HDAC5: variants seen among roughly 807,000 people sequenced by gnomAD.
The protein encoded by HDAC5 is histone deacetylase 5.
Under a neutral mutation model 133.3 loss-of-function variants are expected in HDAC5, and 25 were observed. The ratio of observed to expected loss-of-function variants is 0.19; its 90% CI spans 0.14 to 0.26. The LOEUF (loss-of-function observed/expected upper bound fraction) is 0.26, where lower values mean the gene tolerates loss of function less well. Among genes scored for constraint, HDAC5 ranks in the 10% least tolerant of loss-of-function variants. HDAC5 has a pLI of 1.00. For missense variants in HDAC5, 1,041 were observed against 1,460.5 expected (o/e 0.71, Z 4.68); for synonymous variants, 589 against 610.8 (o/e 0.96, Z 0.53).
At chr17:44,084,110 G>A (rs1294051975) in intron 16 of HDAC5, among the ~76,000 whole-genome samples, 1 of 151,056 alleles carries the variant, frequency 6.6e-6, no homozygotes, top group Non-Finnish European at 1.5e-5. Flanking sequence ...GGCCAACAGA[G>A]CAAGACTGTC....
In HDAC5 at chr17:44,117,421, G is replaced by A. The variant is rs2052715238; in HGVS notation, c.22+73C>T. 1.3e-6 allele frequency: 2 copies of A among 1,513,864 alleles called. No homozygotes were observed. Among genetic ancestry groups the A allele is most frequent in the Admixed American group, 1.7e-5 (1 of 59,868 alleles). 93.8% of individuals were successfully genotyped at this position (1,513,864 alleles called of 1,614,324 possible). A position where few individuals can be genotyped will look rare whatever the true frequency, so the allele number is the denominator to read the frequency against. On this transcript the variant is annotated intron_variant, in intron 2 of 26. Transcript: ENST00000682912. This position sits in a 1 kb window ranked among gnomAD's most constrained non-coding sequence, Gnocchi z 4.2. ...CAGACAGTAAAGGTCAGCTGGCCTG[G>A]AAGGGAAACCCACACAGCCCATTGC... is the stretch of plus-strand genomic sequence containing the variant.
At chr17:44,101,729 A>C (rs2051621515) in intron 3 of HDAC5, among the ~76,000 whole-genome samples, 1 of 152,168 alleles carries the variant, frequency 6.6e-6, no homozygotes, top group East Asian at 1.9e-4. Flanking sequence ...CAAAACAGAG[A>C]TCTGAACGCA....
chr17:44,086,726 A>T lies in HDAC5; in HGVS notation c.1896T>A (p.Asp632Glu). 1 of 1,296,152 alleles carries T rather than the reference A, an allele frequency of 7.7e-7. No homozygotes were observed. The highest frequency in any genetic ancestry group is 9.8e-7 in the Non-Finnish European group (1 of 1,015,436). The allele number at this position is 1,296,152 out of a possible 1,614,324, so 80.3% of individuals were successfully genotyped here. The part of the protein sequence containing the change: ...PGAGYKKLFS[D>E]AQPLQPLQVY... ...CCTGCAAAGGCTGCAGCGGCTGGGC[A>T]TCTGAGAACAGCTGGAGGGGAGAAT... The change falls in exon 14 of 27, where the codon GAT becomes GAA. Residue 632 changes from aspartate (D) to glutamate (E), a missense_variant. Transcript: ENST00000682912.
chr17:44,101,893 G>A (rs1431391791), intron 3 of HDAC5, among the ~76,000 whole-genome samples: 1 of 152,100 alleles, frequency 6.6e-6, no homozygotes, highest in Non-Finnish European at 1.5e-5. Context: ...TAGGGGGAGG[G>A]GGGCAGGGAA....
In HDAC5 at chr17:44,117,384, T is replaced by C; in HGVS notation, c.22+110A>G. The C allele has an allele frequency of 8.3e-7, 1 of 1,201,096 alleles. No homozygotes were observed. Among genetic ancestry groups the C allele is most frequent in the Middle Eastern group, 1.9e-4 (1 of 5,272 alleles). 74.4% of individuals were successfully genotyped at this position (1,201,096 alleles called of 1,614,324 possible). On this transcript the variant is annotated intron_variant, in intron 2 of 26. Coordinates refer to ENST00000682912, the MANE Select transcript of HDAC5 (RefSeq NM_005474.5). The surrounding 1 kb of genome is among the most constrained non-coding windows in gnomAD (Gnocchi z 4.2). ...ACTTCTCCACTCCTTACCCCCTCATTCCCTTATAGCTCAGACAGTAAAGGT... is the reference window on the plus strand; with the variant it reads ...ACTTCTCCACTCCTTACCCCCTCATCCCCTTATAGCTCAGACAGTAAAGGT...
intron 2 of HDAC5, among the ~76,000 whole-genome samples, chr17:44,112,476 C>T (rs1200067278): frequency 6.6e-6 from 1 of 152,126 alleles, no homozygotes; most frequent in Admixed American, 6.5e-5. Flanking sequence ...ATCCCCCTCC[C>T]CCTTCCTGAT....
intron 16 of HDAC5, among the ~76,000 whole-genome samples, chr17:44,084,202 A>ACAGG (rs2050537718): frequency 6.6e-6 from 1 of 151,748 alleles, no homozygotes; most frequent in African/African-American, 2.4e-5. Context: ...CAAGTACAAG[A>ACAGG]CAGGCCTCTG....
Position 44,078,569 on chromosome 17 carries a change from C to T in HDAC5, c.3260G>A (p.Ser1087Asn), listed in dbSNP as rs759878178. 48 of 1,611,306 alleles carry T rather than the reference C, an allele frequency of 3.0e-5. 1 individual carries two copies. In the South Asian group the frequency reaches 4.8e-4, roughly 16 times the overall value. ...AGETEEAETV[S>N]AMALLSVGAE... ...CCCCACCGACAGCAAGGCCATGGCG[C>T]TCACAGTCTCGGCCTCCTCGGTCTC... Residue 1087 changes from serine (S) to asparagine (N), a missense_variant, in exon 26 of 27, where the codon AGC (serine) becomes AAC (asparagine). Physicochemically the swap from Ser to Asn is conservative, Grantham distance 46. This residue lies in a region of HDAC5 where 95 missense variants were observed against 107.3 expected (regional missense o/e 0.88). Coordinates refer to ENST00000682912, the MANE Select transcript of HDAC5 (RefSeq NM_005474.5).
At chr17:44,091,518 A>G (rs1415855481) in intron 10 of HDAC5, 26 bp from the exon 11 acceptor site, 2 of 1,540,514 alleles carry the variant, frequency 1.3e-6, no homozygotes, top group East Asian at 2.3e-5. Context: ...AGGGGCTTAT[A>G]CAGCCTCAGT....
At position 44,084,565 on chromosome 17, in the gene HDAC5, C is replaced by A; in HGVS notation, c.2295G>T (p.Lys765Asn). 6.2e-7 allele frequency: 1 copy of A among 1,614,110 alleles called. No homozygotes were observed. The highest frequency in any genetic ancestry group is 1.1e-5 in the South Asian group (1 of 91,086). ...CATGTGCCAGCTCACCGAGCAACTT[C>A]TTGCTGTCTAGCTTCTGCCGGTTGA... The part of the protein sequence containing the change: ...SPLNRQKLDS[K>N]KLLGPISQKM... The change falls in exon 16 of 27, where the codon AAG (lysine) becomes AAT (asparagine). Residue 765 changes from lysine (K) to asparagine (N), a missense_variant. Lys to Asn is a moderately conservative substitution (Grantham distance 94). Coordinates refer to ENST00000682912, the MANE Select transcript of HDAC5 (RefSeq NM_005474.5).
At chr17:44,078,996 T>C (rs768344893) in intron 24 of HDAC5, 117 bp from the exon 25 acceptor site, 3 of 1,515,566 alleles carry the variant, frequency 2.0e-6, no homozygotes, top group South Asian at 1.1e-5. Flanking sequence ...ATGGCCTTTT[T>C]GGACAAACGC....
chr17:44,092,018 A>G (rs1223426370), intron 9 of HDAC5, among the ~76,000 whole-genome samples, 154 bp downstream of exon 9: 2 of 152,180 alleles, frequency 1.3e-5, no homozygotes, highest in African/African-American at 2.4e-5. Context: ...CTTCAATGCA[A>G]TTAAGTCCAA....
At chr17:44,085,430 C>G in intron 14 of HDAC5, 2 of 286,190 alleles carry the variant, frequency 7.0e-6, no homozygotes, top group Non-Finnish European at 1.3e-5. Context: ...ACCACTGCCC[C>G]CACCACCCTG....
intron 11 of HDAC5, 88 bp downstream of exon 11, chr17:44,091,181 TA>T: frequency 1.0e-6 from 1 of 966,398 alleles, no homozygotes; most frequent in Non-Finnish European, 1.6e-6. Flanking sequence ...TTGATTCTGC[TA>T]AGGGGAACTG....
rs1273796409 is a variant in HDAC5 at position 44,077,214 on chromosome 17, G to A, written c.*1162C>T. 1 of 152,706 alleles carries A rather than the reference G, an allele frequency of 6.5e-6. No individual in the cohort carries two copies. Among genetic ancestry groups the A allele is most frequent in the Non-Finnish European group, 1.5e-5 (1 of 68,126 alleles). 9.5% of individuals were successfully genotyped at this position (152,706 alleles called of 1,614,324 possible). A position where few individuals can be genotyped will look rare whatever the true frequency, so the allele number is the denominator to read the frequency against. On this transcript the variant is annotated 3_prime_UTR_variant, in exon 27 of 27. Transcript: ENST00000682912. ...TCCTACAGGCTGGATGGCATCCCCT[G>A]GAAGCCTTGTAGGCCCACAGCCCCT... is the stretch of plus-strand genomic sequence containing the variant.
At position 44,117,774 on chromosome 17, in the gene HDAC5, C is replaced by T. The variant is rs1421460323; in HGVS notation, c.-189-70G>A. 3.4e-6 allele frequency: 2 copies of T among 595,414 alleles called. No individual in the cohort carries two copies. Among genetic ancestry groups the T allele is most frequent in the Non-Finnish European group, 6.0e-6 (2 of 332,880 alleles). The allele number at this position is 595,414 out of a possible 1,614,324, so 36.9% of individuals were successfully genotyped here. A position where few individuals can be genotyped will look rare whatever the true frequency, so the allele number is the denominator to read the frequency against. ...CTGAGAGTCGAAGGAGACCTTGGAG[C>T]TCATCAGTTTGTACCTGGGGATGAG... On this transcript the variant is annotated intron_variant, in intron 1 of 26. Coordinates refer to ENST00000682912, the MANE Select transcript of HDAC5 (RefSeq NM_005474.5). This position sits in a 1 kb window ranked among gnomAD's most constrained non-coding sequence, Gnocchi z 4.2.
chr17:44,086,631 G>A lies in HDAC5; in HGVS notation c.1991C>T (p.Ala664Val). The A allele has an allele frequency of 1.5e-6, 2 of 1,302,998 alleles. No homozygotes were observed. The highest frequency in any genetic ancestry group is 2.0e-6 in the Non-Finnish European group (2 of 1,017,936). The allele number at this position is 1,302,998 out of a possible 1,614,324, so 80.7% of individuals were successfully genotyped here. A position where few individuals can be genotyped will look rare whatever the true frequency, so the allele number is the denominator to read the frequency against. Residue 664 changes from alanine (A) to valine (V), a missense_variant, in exon 14 of 27, where the codon GCT becomes GTT. Ala to Val is a moderately conservative substitution (Grantham distance 64). Coordinates refer to ENST00000682912, the MANE Select transcript of HDAC5 (RefSeq NM_005474.5). ...GGGGCTCTTCATGCCCCCAGGGGCA[G>A]CAGGGGAGGACTGGGTACGGCCCAG... ...QALGRTQSSP[A>V]APGGMKSPPD... is the part of the protein sequence containing the mutation.
At chr17:44,111,397 A>T (rs1404937533) in intron 2 of HDAC5, 1 of 359,504 alleles carries the variant, frequency 2.8e-6, no homozygotes, top group African/African-American at 2.1e-5. Context: ...GGGGGATGGG[A>T]ACAGGGGAGG....
intron 2 of HDAC5, among the ~76,000 whole-genome samples, chr17:44,114,525 G>T (rs228768): frequency 0.5 from 76,193 of 152,074 alleles, 23,870 homozygotes; most frequent in South Asian, 0.71. Flanking sequence ...GGCAGGTGTT[G>T]TCATGAAGCT....
Sources: gnomAD v4.1 joint callset for allele counts (sites outside exome capture counted in the v4.1 genomes callset) on GRCh38, gnomAD v4.1.1 for gene constraint, gnomAD v4.1.1 regional missense constraint, Gnocchi (gnomAD v3.1) non-coding constraint, MANE v1.5 for transcripts, NCBI Gene and HGNC (gene_info 2026-07-23, HGNC 2026-07-21) for gene names.